Variants in HAS3 observed in about 807,000 individuals in gnomAD.
HAS3 encodes the protein hyaluronan synthase 3, also known as HA synthase 3.
In HAS3, 27 loss-of-function variants were observed where a neutral mutation model predicts 50.3. The ratio of observed to expected loss-of-function variants is 0.54; its 90% confidence interval spans 0.40 to 0.74. The LOEUF (loss-of-function observed/expected upper bound fraction) is 0.74, where lower values mean the gene tolerates loss of function less well. HAS3 is among the 30% of genes least tolerant of loss of function. The probability of loss-of-function intolerance (pLI) is 0.00; values close to 1 mark genes in which losing one functional copy is unlikely to be tolerated. For synonymous variants in HAS3, 339 were observed against 310.9 expected (o/e 1.09, Z -0.95); for missense variants, 517 against 742.8 (o/e 0.70, Z 3.53).
At chr16:69,118,145 AT>A, downstream of HAS3, 2 of 287,946 alleles carry the variant, frequency 6.9e-6, no homozygotes, top group East Asian at 6.5e-5. Flanking sequence ...CCTAATTCCC[AT>A]ATTCCCATCC....
At chr16:69,090,036 C>T in the HAS3 span, among the ~76,000 whole-genome samples, 2 of 152,190 alleles carry the variant, frequency 1.3e-5, no homozygotes, top group African/African-American at 2.4e-5. Context: ...AGCCAGGAGC[C>T]TGTTTACTAC....
Position 69,116,755 on chromosome 16 carries a change from C to T in HAS3, c.*1489C>T. The T allele has an allele frequency of 2.0e-6, 2 of 985,352 alleles. No individual in the cohort carries two copies. The highest frequency in any genetic ancestry group is 2.4e-6 in the Non-Finnish European group (2 of 829,866). 61.0% of individuals were successfully genotyped at this position (985,352 alleles called of 1,614,324 possible). On this transcript the variant is annotated 3_prime_UTR_variant, in exon 4 of 4. Coordinates refer to ENST00000569188, the MANE Select transcript of HAS3 (RefSeq NM_001199280.2). The stretch of plus-strand genomic sequence containing the variant: ...ATTTTCCAGTGACTTGCAATCCAGG[C>T]TGTTCTCAGCGTTTTGAGTTTAAAA...
At chr16:69,113,770 T>C (rs1204031850) in intron 3 of HAS3, among the ~76,000 whole-genome samples, 3 of 152,192 alleles carry the variant, frequency 2.0e-5, no homozygotes, top group Non-Finnish European at 2.9e-5. Context: ...GCAGAGTCTA[T>C]ACTGCAGGAG....
upstream of HAS3, among the ~76,000 whole-genome samples, chr16:69,101,235 TA>T (rs1960693770): frequency 6.6e-6 from 1 of 152,162 alleles, no homozygotes; most frequent in African/African-American, 2.4e-5. Context: ...TCACAGCAGC[TA>T]GAGGGTAACA....
the HAS3 span, among the ~76,000 whole-genome samples, chr16:69,088,557 CAAAA>C: frequency 3.8e-5 from 2 of 52,278 alleles, no homozygotes; most frequent in Non-Finnish European, 4.3e-5. Context: ...GACTCCATCT[CAAAA>C]AAAAAAAAAA....
intron 2 of HAS3, among the ~76,000 whole-genome samples, chr16:69,110,694 C>T (rs1471738399): frequency 2.6e-5 from 4 of 152,200 alleles, no homozygotes; most frequent in African/African-American, 9.7e-5. Flanking sequence ...TGCCTAATGT[C>T]CCATTGCTAG....
Position 69,107,278 on chromosome 16 carries a change from A to T in HAS3, c.-1+1491A>T. 1.0e-6 allele frequency: 1 copy of T among 955,734 alleles called. No individual in the cohort carries two copies. The highest frequency in any genetic ancestry group is 1.2e-6 in the Non-Finnish European group (1 of 802,880). 59.2% of individuals were successfully genotyped at this position (955,734 alleles called of 1,614,324 possible). On this transcript the variant is annotated intron_variant, in intron 1 of 3. Coordinates refer to ENST00000569188, the MANE Select transcript of HAS3 (RefSeq NM_001199280.2). The surrounding 1 kb of genome is among the most constrained non-coding windows in gnomAD (Gnocchi z 5.5). ...GCCTCTATTTGGGGGTGGGGGTAGT[A>T]ACCTGGGTAATGCCTCTAATTCCTG...
chr16:69,104,296 T>A (rs977027835), upstream of HAS3, among the ~76,000 whole-genome samples: 10 of 151,258 alleles, frequency 6.6e-5, no homozygotes, highest in African/African-American at 1.5e-4. Context: ...TTTTCTTTTT[T>A]TTTTTATTTT....
chr16:69,100,036 G>A, the HAS3 span, among the ~76,000 whole-genome samples: 3 of 152,138 alleles, frequency 2.0e-5, no homozygotes, highest in African/African-American at 7.2e-5. Context: ...GCAGAGCAGA[G>A]GCCCCTTAAT....
In HAS3 at chr16:69,116,766, G is replaced by A. The variant is rs898132231; in HGVS notation, c.*1500G>A. On this transcript the variant is annotated 3_prime_UTR_variant, in exon 4 of 4. Coordinates refer to ENST00000569188, the MANE Select transcript of HAS3 (RefSeq NM_001199280.2). ...ACTTGCAATCCAGGCTGTTCTCAGC[G>A]TTTTGAGTTTAAAACCTGGGATCCT... The A allele has an allele frequency of 5.1e-6, 5 of 985,178 alleles. No homozygotes were observed. Among genetic ancestry groups the A allele is most frequent in the Admixed American group, 6.2e-5 (1 of 16,248 alleles). 61.0% of individuals were successfully genotyped at this position (985,178 alleles called of 1,614,324 possible).
the HAS3 span, chr16:69,084,943 T>A: frequency 1.3e-5 from 2 of 152,368 alleles, no homozygotes; most frequent in Non-Finnish European, 2.9e-5. Flanking sequence ...GTGGCATCCC[T>A]TTAAAGAGGC....
At chr16:69,117,682 T>A (rs1199238503), downstream of HAS3, 1 of 967,198 alleles carries the variant, frequency 1.0e-6, no homozygotes, top group Admixed American at 6.2e-5. Context: ...CTACTTTGTA[T>A]TTAATGAAAG....
At chr16:69,097,225 C>G in the HAS3 span, among the ~76,000 whole-genome samples, 5 of 151,944 alleles carry the variant, frequency 3.3e-5, no homozygotes, top group African/African-American at 4.8e-5. Context: ...GCCTGTAATC[C>G]TAGCACTTTG....
At chr16:69,087,309 C>T in the HAS3 span, among the ~76,000 whole-genome samples, 1 of 152,228 alleles carries the variant, frequency 6.6e-6, no homozygotes, top group South Asian at 2.1e-4. Context: ...CTTGTGGCTA[C>T]AGCCAAACCC....
In HAS3 at chr16:69,109,806, C is replaced by T. The variant is rs762433655; in HGVS notation, c.411C>T (p.His137=). Residue 137 remains histidine (H), a synonymous_variant, in exon 2 of 4, where the codon CAC becomes CAT. Coordinates refer to ENST00000569188, the MANE Select transcript of HAS3 (RefSeq NM_001199280.2). This position sits in a 1 kb window ranked among gnomAD's most constrained non-coding sequence, Gnocchi z 5.3. ...ACGCCTACATGCTGGACATCTTCCA[C>T]GAGGTGCTGGGCGGCACCGAGCAGG... The part of the protein sequence containing the change: ...QEDAYMLDIF[H]EVLGGTEQAG... The T allele has an allele frequency of 3.9e-5, 63 of 1,612,192 alleles. No individual in the cohort carries two copies. Among genetic ancestry groups the T allele is most frequent in the Middle Eastern group, 1.6e-4 (1 of 6,084 alleles).
chr16:69,116,351 T>C lies in HAS3; in HGVS notation c.*1085T>C. ...GCGTGTTCTCAGCACATATGGGAAC[T>C]ATGAGGAGCCTCTGATCAAATTGGC... On this transcript the variant is annotated 3_prime_UTR_variant, in exon 4 of 4. Coordinates refer to ENST00000569188, the MANE Select transcript of HAS3 (RefSeq NM_001199280.2). 1 of 985,884 alleles carries C rather than the reference T, an allele frequency of 1.0e-6. No individual in the cohort carries two copies. The highest frequency in any genetic ancestry group is 1.2e-6 in the Non-Finnish European group (1 of 829,926). 61.1% of individuals were successfully genotyped at this position (985,884 alleles called of 1,614,324 possible). A position where few individuals can be genotyped will look rare whatever the true frequency, so the allele number is the denominator to read the frequency against.
chr16:69,093,988 T>C, the HAS3 span, among the ~76,000 whole-genome samples: 2 of 152,172 alleles, frequency 1.3e-5, no homozygotes, highest in African/African-American at 4.8e-5. Flanking sequence ...AGGTCAATTA[T>C]TGCAAATAAA....
chr16:69,112,797 G>C (rs961919535), intron 2 of HAS3, among the ~76,000 whole-genome samples: 7 of 152,334 alleles, frequency 4.6e-5, no homozygotes, highest in African/African-American at 1.7e-4. Context: ...TTGGCCCTGG[G>C]GTCTGCCTGG....
rs752948541 is a variant in HAS3 at position 69,107,575 on chromosome 16, C to T, written c.-1+1788C>T. ...GCGGCTGCTTTGACCTGGTGGGCGC[C>T]GCCTCCGGCACTGCACCGAGGCGGG... is the stretch of plus-strand genomic sequence containing the variant. On this transcript the variant is annotated intron_variant, in intron 1 of 3. Transcript: ENST00000569188. This position sits in a 1 kb window ranked among gnomAD's most constrained non-coding sequence, Gnocchi z 5.5. 1,642 of 985,036 alleles carry T rather than the reference C, an allele frequency of 1.7e-3. 1 individual carries two copies. The highest frequency in any genetic ancestry group is 1.9e-3 in the Non-Finnish European group (1,570 of 829,540). 61.0% of individuals were successfully genotyped at this position (985,036 alleles called of 1,614,324 possible). A position where few individuals can be genotyped will look rare whatever the true frequency, so the allele number is the denominator to read the frequency against.
Sources: allele counts gnomAD v4.1 joint callset (sites outside exome capture counted in the v4.1 genomes callset), GRCh38; gene constraint gnomAD v4.1.1; non-coding constraint Gnocchi (gnomAD v3.1); transcripts MANE v1.5; gene names NCBI Gene and HGNC (gene_info 2026-07-23, HGNC 2026-07-21).